The following ZCCHC2 variants were observed in gnomAD, a reference collection of about 807,000 sequenced individuals.
ZCCHC2 encodes zinc finger CCHC-type containing 2, also known as zinc finger CCHC domain-containing protein 2.
In ZCCHC2, 39 loss-of-function variants were observed where a neutral mutation model predicts 103.6. The observed-to-expected ratio is 0.38, with a 90% CI of 0.29 to 0.49. ZCCHC2 has a LOEUF of 0.49. ZCCHC2 is among the 20% of genes least tolerant of loss of function. The pLI, the probability that ZCCHC2 is intolerant of heterozygous loss-of-function variation, is 0.96. For missense variants in ZCCHC2, 1,483 were observed against 1,491.0 expected, an observed-to-expected ratio of 0.99 and a Z score of 0.09; for synonymous variants, 687 against 608.9, an observed-to-expected ratio of 1.13 and a Z score of -1.89.
At chr18:62,529,046 G>A (rs1335197408) in intron 1 of ZCCHC2, among the ~76,000 whole-genome samples, 2 of 151,412 alleles carry the variant, frequency 1.3e-5, no homozygotes, top group African/African-American at 2.4e-5. Context: ...TGTAGTGCCA[G>A]CTGCACAGGA....
intron 11 of ZCCHC2, among the ~76,000 whole-genome samples, chr18:62,568,251 A>G (rs1302140554): frequency 1.3e-5 from 2 of 152,052 alleles, no homozygotes; most frequent in African/African-American, 2.4e-5. Flanking sequence ...TTTTGTTTTT[A>G]TTATGTGCAA....
intron 4 of ZCCHC2, among the ~76,000 whole-genome samples, chr18:62,547,814 G>A (rs1267349176): frequency 3.9e-5 from 6 of 152,070 alleles, no homozygotes; most frequent in African/African-American, 1.4e-4. Flanking sequence ...CACCCACCTT[G>A]GCCAAATGTG....
downstream of ZCCHC2, among the ~76,000 whole-genome samples, chr18:62,579,193 A>G (rs73963459): frequency 0.013 from 1,968 of 152,328 alleles, 45 homozygotes; most frequent in African/African-American, 0.045. Context: ...AGTCCTTGTC[A>G]ACCTTGAGCT....
At chr18:62,539,853 T>C in intron 2 of ZCCHC2, 61 bp downstream of exon 2, 2 of 1,313,184 alleles carry the variant, frequency 1.5e-6, no homozygotes, top group South Asian at 1.3e-5. Context: ...AGGGTGCTCT[T>C]TACGCTGATT....
chr18:62,567,604 G>C (rs1231607837), intron 11 of ZCCHC2, among the ~76,000 whole-genome samples: 1 of 152,150 alleles, frequency 6.6e-6, no homozygotes, highest in Non-Finnish European at 1.5e-5. Flanking sequence ...CTTTCTGAAA[G>C]TCTGTCTTCT....
Position 62,523,282 on chromosome 18 carries a change from A to C in ZCCHC2, c.-143A>C. On this transcript the variant is annotated 5_prime_UTR_variant, in exon 1 of 14. Transcript: ENST00000269499. ...CGGCCACCGCCCCCCTCGCCGGCCG[A>C]GACCCGCCCCCGGCCCCGGCCCTCC... 4.4e-6 allele frequency: 3 copies of C among 679,820 alleles called. No individual in the cohort carries two copies. The highest frequency in any genetic ancestry group is 5.4e-6 in the Non-Finnish European group (3 of 554,064). The allele number at this position is 679,820 out of a possible 1,614,324, so 42.1% of individuals were successfully genotyped here.
intron 1 of ZCCHC2, among the ~76,000 whole-genome samples, chr18:62,537,906 G>T (rs1206356691): frequency 6.6e-6 from 1 of 152,086 alleles, no homozygotes; most frequent in African/African-American, 2.4e-5. Context: ...ATGTGTAAGG[G>T]TTCCATTTTC....
In ZCCHC2 at chr18:62,574,144, A is replaced by C. The variant is rs1916702465; in HGVS notation, c.2063A>C (p.Lys688Thr). 8 of 1,614,050 alleles carry C rather than the reference A, an allele frequency of 5.0e-6. No individual in the cohort carries two copies. Among genetic ancestry groups the C allele is most frequent in the Non-Finnish European group, 6.8e-6 (8 of 1,179,888 alleles). The change falls in exon 13 of 14, where the codon AAG becomes ACG. Residue 688 changes from lysine to threonine, a missense_variant. Lys to Thr is a moderately conservative substitution (Grantham distance 78). Around this residue, in one of 3 missense-constraint regions of ZCCHC2, gnomAD observed 884 missense variants for 907.5 expected, o/e 0.97. Coordinates refer to ENST00000269499, the MANE Select transcript of ZCCHC2 (RefSeq NM_017742.6). ...TCTGTCAACCAGACTGTCACTGTCA[A>C]GCCACCTGTTCAAATTGCTTCACTA... ...YGSVNQTVTV[K>T]PPVQIASLGN... is the part of the protein sequence containing the mutation.
intron 2 of ZCCHC2, among the ~76,000 whole-genome samples, chr18:62,541,565 A>G (rs1053722753): frequency 1.5e-4 from 23 of 149,730 alleles, no homozygotes; most frequent in Non-Finnish European, 2.8e-4. Context: ...TACCCCCCAC[A>G]CCCATTCTGT....
In ZCCHC2 at chr18:62,544,827, C is replaced by T; in HGVS notation, c.1154C>T (p.Thr385Ile). The stretch of plus-strand genomic sequence containing the variant: ...GTAAATTGGTCTGATCTTTCAGTCA[C>T]AACAGTAACAAAAACCCACCAAGAA... ...FKVNWSDLSV[T>I]TVTKTHQELQ... Residue 385 changes from threonine to isoleucine, a missense_variant, in exon 4 of 14, where the codon ACA becomes ATA. Around this residue, in one of 3 missense-constraint regions of ZCCHC2, gnomAD observed 31 missense variants for 58.4 expected, o/e 0.53. Coordinates refer to ENST00000269499, the MANE Select transcript of ZCCHC2 (RefSeq NM_017742.6). The T allele has an allele frequency of 6.5e-7, 1 of 1,544,530 alleles. No homozygotes were observed. Among genetic ancestry groups the T allele is most frequent in the Non-Finnish European group, 8.7e-7 (1 of 1,147,036 alleles).
intron 2 of ZCCHC2, among the ~76,000 whole-genome samples, chr18:62,540,536 A>G (rs985806812): frequency 2.6e-5 from 4 of 151,510 alleles, no homozygotes; most frequent in African/African-American, 9.7e-5. Context: ...ATAAGTGTTT[A>G]TATAATGACC....
At chr18:62,541,825 A>G (rs1915198963) in intron 2 of ZCCHC2, among the ~76,000 whole-genome samples, 1 of 152,196 alleles carries the variant, frequency 6.6e-6, no homozygotes, top group Non-Finnish European at 1.5e-5. Context: ...TGCTTACTTC[A>G]TGAATAAACT....
chr18:62,533,872 C>CAAAAAAAA (rs35039729), intron 1 of ZCCHC2, among the ~76,000 whole-genome samples: 1 of 99,560 alleles, frequency 1.0e-5, no homozygotes, highest in Non-Finnish European at 2.0e-5. Context: ...AACTCTGCCT[C>CAAAAAAAA]AAAAAAAAAA....
At chr18:62,546,585 G>C (rs972459730) in intron 4 of ZCCHC2, among the ~76,000 whole-genome samples, 3 of 152,186 alleles carry the variant, frequency 2.0e-5, no homozygotes, top group African/African-American at 7.2e-5. Flanking sequence ...GAAAAGGGGG[G>C]TTCAGACCAA....
intron 1 of ZCCHC2, among the ~76,000 whole-genome samples, chr18:62,528,417 A>AC (rs1914530876): frequency 6.6e-6 from 1 of 152,102 alleles, no homozygotes; most frequent in African/African-American, 2.4e-5. Flanking sequence ...GTATGGTGAA[A>AC]CCCCATCTCT....
At chr18:62,545,924 C>T (rs1915388175) in intron 4 of ZCCHC2, among the ~76,000 whole-genome samples, 1 of 152,202 alleles carries the variant, frequency 6.6e-6, no homozygotes, top group Non-Finnish European at 1.5e-5. Context: ...GATGCTGGTT[C>T]TTTGAGGAAG....
intron 12 of ZCCHC2, among the ~76,000 whole-genome samples, chr18:62,572,245 A>G (rs1916625053): frequency 3.9e-5 from 6 of 152,200 alleles, no homozygotes; most frequent in Admixed American, 3.9e-4. Context: ...TGCCTTACCC[A>G]GAATAGACAA....
At chr18:62,554,375 C>T (rs1052113661) in intron 5 of ZCCHC2, among the ~76,000 whole-genome samples, 8 of 152,218 alleles carry the variant, frequency 5.3e-5, no homozygotes, top group South Asian at 2.1e-4. Context: ...AATGAAAATA[C>T]GGCCTGAAAT....
intron 2 of ZCCHC2, among the ~76,000 whole-genome samples, chr18:62,541,613 C>T (rs1418416928): frequency 6.6e-6 from 1 of 151,422 alleles, no homozygotes; most frequent in Admixed American, 6.6e-5. Context: ...TAACCTTTAG[C>T]ATATTCATTA....
Sources: gnomAD v4.1 joint callset for allele counts (sites outside exome capture counted in the v4.1 genomes callset) on GRCh38, gnomAD v4.1.1 for gene constraint, gnomAD v4.1.1 regional missense constraint, MANE v1.5 for transcripts, NCBI Gene and HGNC (gene_info 2026-07-23, HGNC 2026-07-21) for gene names.